NSD3: variants seen among roughly 807,000 people sequenced by gnomAD.
The protein encoded by NSD3 is nuclear receptor binding SET domain protein 3, also known as histone-lysine N-methyltransferase NSD3.
In NSD3, 24 loss-of-function variants were observed where a neutral mutation model predicts 160.8. That is an observed-to-expected ratio of 0.15 (90% CI 0.11 to 0.21). The LOEUF is 0.21. NSD3 is among the 10% of genes least tolerant of loss of function. The pLI, the probability that NSD3 is intolerant of heterozygous loss-of-function variation, is 1.00. For synonymous variants in NSD3, 520 were observed against 600.0 expected (o/e 0.87, Z 1.95); for missense variants, 1,157 against 1,735.9 (o/e 0.67, Z 5.93).
At chr8:38,297,806 A>C (rs1174391934) in intron 15 of NSD3, among the ~76,000 whole-genome samples, 1 of 152,202 alleles carries the variant, frequency 6.6e-6, no homozygotes, top group African/African-American at 2.4e-5. Flanking sequence ...ATTTAAAGTA[A>C]AATGAGATTA....
At chr8:38,357,031 ATTGC>A (rs1286560101) in intron 1 of NSD3, among the ~76,000 whole-genome samples, 2 of 140,216 alleles carry the variant, frequency 1.4e-5, no homozygotes, top group Non-Finnish European at 1.5e-5. Context: ...AGGCAGGAGA[ATTGC>A]TTGAATCTGG....
Position 38,331,339 on chromosome 8 carries a change from A to G in NSD3, c.1065+92T>C, listed in dbSNP as rs867796546. ...AAAGGGGTTTAAAAAAAGGATTCTAATAATTATCTGAATTCAAGTATGAAA... is the reference window on the plus strand; with the variant it reads ...AAAGGGGTTTAAAAAAAGGATTCTAGTAATTATCTGAATTCAAGTATGAAA... On this transcript the variant is annotated intron_variant, in intron 5 of 23. Coordinates refer to ENST00000317025, the MANE Select transcript of NSD3 (RefSeq NM_023034.2). The G allele has an allele frequency of 4.4e-6, 6 of 1,356,540 alleles. No homozygotes were observed. In the Middle Eastern group the frequency reaches 8.1e-4, roughly 184 times the overall value. 84.0% of individuals were successfully genotyped at this position (1,356,540 alleles called of 1,614,324 possible). A position where few individuals can be genotyped will look rare whatever the true frequency, so the allele number is the denominator to read the frequency against.
chr8:38,379,110 G>GAAAAAAAA (rs138238262), intron 1 of NSD3, among the ~76,000 whole-genome samples: 1 of 145,186 alleles, frequency 6.9e-6, no homozygotes, highest in Non-Finnish European at 1.5e-5. Flanking sequence ...GGGAAAAAAA[G>GAAAAAAAA]AAAAAAAAAA....
At chr8:38,362,024 T>A (rs1235619774) in intron 1 of NSD3, among the ~76,000 whole-genome samples, 2 of 151,900 alleles carry the variant, frequency 1.3e-5, no homozygotes, top group African/African-American at 4.8e-5. Context: ...TGATCTAGAT[T>A]TTTAGAAGGG....
At chr8:38,301,062 T>C (rs1479083806) in intron 14 of NSD3, among the ~76,000 whole-genome samples, 3 of 152,136 alleles carry the variant, frequency 2.0e-5, no homozygotes, top group Non-Finnish European at 2.9e-5. Flanking sequence ...CTCAACCTCC[T>C]GGGCTCGAGT....
intron 1 of NSD3, among the ~76,000 whole-genome samples, chr8:38,370,163 G>T (rs1454236630): frequency 1.3e-5 from 2 of 152,082 alleles, no homozygotes; most frequent in African/African-American, 4.8e-5. Flanking sequence ...ACAACTTTCG[G>T]GGGGAAGGTC....
intron 1 of NSD3, among the ~76,000 whole-genome samples, chr8:38,349,179 T>G (rs1421779454): frequency 6.6e-6 from 1 of 152,226 alleles, no homozygotes; most frequent in African/African-American, 2.4e-5. Context: ...TCAGCATGTA[T>G]AGACAATTTT....
chr8:38,354,122 C>G (rs1810767094), intron 1 of NSD3, among the ~76,000 whole-genome samples: 1 of 152,198 alleles, frequency 6.6e-6, no homozygotes, highest in Non-Finnish European at 1.5e-5. Context: ...ATTCTTCCCT[C>G]TTTGTTAAGC....
intron 2 of NSD3, among the ~76,000 whole-genome samples, chr8:38,340,779 A>T (rs1357199606): frequency 6.6e-6 from 1 of 152,246 alleles, no homozygotes; most frequent in Non-Finnish European, 1.5e-5. Flanking sequence ...TATAATAGTG[A>T]AACAAACAGA....
chr8:38,350,194 T>C (rs1468583851), intron 1 of NSD3, among the ~76,000 whole-genome samples: 1 of 152,216 alleles, frequency 6.6e-6, no homozygotes, highest in Non-Finnish European at 1.5e-5. Flanking sequence ...CCTTTGGGTA[T>C]ATACCCAGTA....
At chr8:38,313,048 G>A (rs960773938) in intron 12 of NSD3, among the ~76,000 whole-genome samples, 15 of 152,232 alleles carry the variant, frequency 9.9e-5, no homozygotes, top group Non-Finnish European at 2.2e-4. Flanking sequence ...AAAACGATGT[G>A]CAGATAATAT....
At chr8:38,375,209 C>T (rs1811358890) in intron 1 of NSD3, among the ~76,000 whole-genome samples, 1 of 151,980 alleles carries the variant, frequency 6.6e-6, no homozygotes, top group African/African-American at 2.4e-5. Flanking sequence ...TTTTCATTTT[C>T]CTAGTCACTT....
At chr8:38,355,223 TCA>T (rs1309422877) in intron 1 of NSD3, among the ~76,000 whole-genome samples, 1 of 152,148 alleles carries the variant, frequency 6.6e-6, no homozygotes, top group African/African-American at 2.4e-5. Flanking sequence ...TCTCTAATCC[TCA>T]GTTTCCTTAG....
intron 12 of NSD3, among the ~76,000 whole-genome samples, chr8:38,314,038 A>G (rs1018857281): frequency 2.0e-5 from 3 of 152,088 alleles, no homozygotes; most frequent in African/African-American, 7.2e-5. Flanking sequence ...AAGCACCACC[A>G]TGTCATCTCC....
intron 1 of NSD3, among the ~76,000 whole-genome samples, chr8:38,381,071 C>T (rs1407535515): frequency 2.0e-5 from 3 of 152,126 alleles, no homozygotes; most frequent in African/African-American, 7.2e-5. Flanking sequence ...ACACAGAATA[C>T]ACACAAATAC....
intron 12 of NSD3, among the ~76,000 whole-genome samples, chr8:38,307,312 G>GT (rs1015996754): frequency 6.6e-6 from 1 of 151,990 alleles, no homozygotes. Flanking sequence ...AGAATCCAGA[G>GT]TAATTGGGAC....
chr8:38,314,593 T>G, intron 12 of NSD3, 54 bp downstream of exon 12: 1 of 1,610,442 alleles, frequency 6.2e-7, no homozygotes, highest in Non-Finnish European at 8.5e-7. Context: ...TCAGTGCACA[T>G]TCCTGGCACA....
At chr8:38,327,355 CA>C (rs553005516) in intron 6 of NSD3, among the ~76,000 whole-genome samples, 105 of 151,694 alleles carry the variant, frequency 6.9e-4, no homozygotes, top group African/African-American at 2.1e-3. Context: ...CGCACCCGGC[CA>C]AAAAAAATTT....
chr8:38,314,293 C>T (rs1809604901), intron 12 of NSD3, among the ~76,000 whole-genome samples: 2 of 152,182 alleles, frequency 1.3e-5, no homozygotes, highest in Non-Finnish European at 2.9e-5. Context: ...TGTAGTTATG[C>T]ACTGATACTT....
Sources: allele counts gnomAD v4.1 joint callset (sites outside exome capture counted in the v4.1 genomes callset), GRCh38; gene constraint gnomAD v4.1.1; transcripts MANE v1.5; gene names NCBI Gene and HGNC (gene_info 2026-07-23, HGNC 2026-07-21).